Variants in ORC4 observed in about 807,000 individuals in gnomAD.
ORC4 encodes the protein origin recognition complex, subunit 4 homolog.
A neutral mutation model predicts 63.9 loss-of-function variants in ORC4; 55 were observed. That is an observed-to-expected ratio of 0.86 (90% confidence interval 0.69 to 1.08). The LOEUF is 1.08. Ranked by LOEUF, ORC4 falls within the 50% of genes least tolerant of loss-of-function variation. The pLI is 0.00. For missense variants in ORC4, 511 were observed against 504.4 expected (o/e 1.01, Z -0.13); for synonymous variants, 150 against 168.5 (o/e 0.89, Z 0.85).
At chr2:147,937,929 A>G (rs370713208) in intron 13 of ORC4, 11 of 596,702 alleles carry the variant, frequency 1.8e-5, no homozygotes, top group Non-Finnish European at 3.3e-5. Flanking sequence ...AGTGCTCTGA[A>G]GAGACAGCAG....
intron 1 of ORC4, among the ~76,000 whole-genome samples, chr2:147,982,573 A>T (rs1184763772): frequency 6.6e-6 from 1 of 152,210 alleles, no homozygotes; most frequent in Non-Finnish European, 1.5e-5. Flanking sequence ...ATCATATATA[A>T]ATCAGGTAAG....
At position 147,997,270 on chromosome 2, in the gene ORC4, G is replaced by C. The variant is rs1692027950; in HGVS notation, c.-17-21295C>G. ...TGGTTGTCAAGAAAAGAGAAGTATG[G>C]AACATGAGATTTTTAGGGCAATTAA... is the stretch of plus-strand genomic sequence containing the variant. On this transcript the variant is annotated intron_variant, in intron 1 of 13. Transcript: ENST00000392857. Among the ~76,000 whole-genome samples, 2 of 152,054 alleles carry C rather than the reference G, an allele frequency of 1.3e-5. 1 individual carries two copies. Among genetic ancestry groups the C allele is most frequent in the South Asian group, 4.1e-4 (2 of 4,822 alleles).
At chr2:147,997,804 A>G (rs1692059342) in intron 1 of ORC4, among the ~76,000 whole-genome samples, 1 of 152,196 alleles carries the variant, frequency 6.6e-6, no homozygotes, top group South Asian at 2.1e-4. Context: ...TTTCTTGCAC[A>G]TTTAAATCAA....
intron 10 of ORC4, among the ~76,000 whole-genome samples, chr2:147,940,904 T>G (rs1426279099): frequency 6.6e-6 from 1 of 152,070 alleles, no homozygotes; most frequent in African/African-American, 2.4e-5. Context: ...TTAAGAAATA[T>G]GATTTTAGAG....
chr2:148,010,130 AAT>A, intron 1 of ORC4, among the ~76,000 whole-genome samples: 1 of 152,344 alleles, frequency 6.6e-6, no homozygotes, highest in East Asian at 1.9e-4. Context: ...GAAATTAAAA[AAT>A]GTCTTGAAAC....
intron 1 of ORC4, among the ~76,000 whole-genome samples, chr2:147,976,708 G>T (rs1276327984): frequency 1.3e-5 from 2 of 151,860 alleles, no homozygotes; most frequent in Non-Finnish European, 2.9e-5. Context: ...TAGGTTAAAT[G>T]CCTCTTCCTT....
At chr2:148,013,114 A>G (rs1470247256) in intron 1 of ORC4, among the ~76,000 whole-genome samples, 2 of 152,210 alleles carry the variant, frequency 1.3e-5, no homozygotes, top group African/African-American at 4.8e-5. Context: ...AAATCAGTAT[A>G]TAAAAGGTAT....
chr2:148,004,482 C>G (rs538531179), intron 1 of ORC4, among the ~76,000 whole-genome samples: 1 of 152,272 alleles, frequency 6.6e-6, no homozygotes, highest in African/African-American at 2.4e-5. Flanking sequence ...ACCATCTGAT[C>G]TTTGAAAAAC....
rs533126528 is a variant in ORC4 at position 148,015,520 on chromosome 2, T to C, written c.-18+5113A>G. Among the ~76,000 whole-genome samples the C allele has an allele frequency of 2.0e-5, 3 of 152,026 alleles. No individual in the cohort carries two copies. In the South Asian group the frequency reaches 6.2e-4, roughly 32 times the overall value. On this transcript the variant is annotated intron_variant, in intron 1 of 13. Coordinates refer to ENST00000392857, the MANE Select transcript of ORC4 (RefSeq NM_181741.4). The stretch of plus-strand genomic sequence containing the variant: ...TAGTAGAGACAGGGTCTCACCATGT[T>C]AGCCAGGATGGTATCGATCTCCTGA...
At chr2:148,005,825 A>C (rs1315342394) in intron 1 of ORC4, among the ~76,000 whole-genome samples, 1 of 152,036 alleles carries the variant, frequency 6.6e-6, no homozygotes, top group African/African-American at 2.4e-5. Flanking sequence ...AATATGAAAA[A>C]ATTAGCTGGG....
chr2:147,958,227 A>G (rs1689372628), intron 6 of ORC4, 71 bp downstream of exon 6: 1 of 966,396 alleles, frequency 1.0e-6, no homozygotes, highest in Non-Finnish European at 1.6e-6. Context: ...TTCCAGAAAT[A>G]TAAAAATATA....
chr2:148,001,451 T>C (rs772423718), intron 1 of ORC4, among the ~76,000 whole-genome samples: 4 of 152,138 alleles, frequency 2.6e-5, no homozygotes, highest in Non-Finnish European at 5.9e-5. Context: ...TAGGGGCCAA[T>C]AGTCAACATT....
At chr2:147,973,387 G>T in intron 3 of ORC4, 61 bp downstream of exon 3, 1 of 968,006 alleles carries the variant, frequency 1.0e-6, no homozygotes, top group Non-Finnish European at 1.7e-6. Context: ...AATAATTTTT[G>T]CAAAACCTGG....
chr2:147,968,928 C>A (rs1038097862), intron 4 of ORC4, among the ~76,000 whole-genome samples: 3 of 151,786 alleles, frequency 2.0e-5, no homozygotes, highest in African/African-American at 7.3e-5. Flanking sequence ...TATATACACA[C>A]AATGGAATAC....
At chr2:147,954,726 C>T (rs1185393445) in intron 7 of ORC4, among the ~76,000 whole-genome samples, 2 of 152,022 alleles carry the variant, frequency 1.3e-5, no homozygotes, top group Non-Finnish European at 2.9e-5. Context: ...AATTAAAGAA[C>T]AAAATTATTC....
chr2:147,981,579 C>A (rs1309223021), intron 1 of ORC4, among the ~76,000 whole-genome samples: 1 of 151,818 alleles, frequency 6.6e-6, no homozygotes, highest in Non-Finnish European at 1.5e-5. Context: ...TTTCTTACTA[C>A]AAAAAAATGG....
At chr2:148,020,438 G>A (rs574019831) in intron 1 of ORC4, among the ~76,000 whole-genome samples, 195 bp downstream of exon 1, 1 of 152,214 alleles carries the variant, frequency 6.6e-6, no homozygotes, top group Non-Finnish European at 1.5e-5. Flanking sequence ...CTCACGGGGC[G>A]GGAGTGGCCA....
At chr2:147,945,213 T>C (rs1688592511) in intron 9 of ORC4, among the ~76,000 whole-genome samples, 1 of 152,074 alleles carries the variant, frequency 6.6e-6, no homozygotes, top group Non-Finnish European at 1.5e-5. Flanking sequence ...GAATCAATTA[T>C]TTTTAAAACC....
intron 1 of ORC4, among the ~76,000 whole-genome samples, chr2:147,993,360 GA>G (rs199702039): frequency 2.0e-5 from 3 of 151,124 alleles, no homozygotes; most frequent in African/African-American, 4.9e-5. Flanking sequence ...TTTTTGGAAG[GA>G]AAAAAAACTG....
Sources: gnomAD v4.1 joint callset for allele counts (sites outside exome capture counted in the v4.1 genomes callset) on GRCh38, gnomAD v4.1.1 for gene constraint, MANE v1.5 for transcripts, NCBI Gene and HGNC (gene_info 2026-07-23, HGNC 2026-07-21) for gene names.